Variants in TENM2 observed in about 807,000 individuals in gnomAD.
TENM2 encodes the protein teneurin-2.
Under a neutral mutation model 245.2 loss-of-function variants are expected in TENM2, and 52 were observed. That is an observed-to-expected ratio of 0.21 (90% CI 0.17 to 0.27). The LOEUF is 0.27. Among genes scored for constraint, TENM2 ranks in the 10% least tolerant of loss-of-function variants. The probability of loss-of-function intolerance (pLI) is 1.00; values close to 1 mark genes in which losing one functional copy is unlikely to be tolerated. For missense variants in TENM2, 3,046 were observed against 3,666.8 expected (o/e 0.83, Z 4.37); for synonymous variants, 1,363 against 1,438.9 (o/e 0.95, Z 1.19).
At chr5:168,103,939 TCCC>T (rs1040990784) in intron 9 of TENM2, among the ~76,000 whole-genome samples, 1 of 152,168 alleles carries the variant, frequency 6.6e-6, no homozygotes, top group Non-Finnish European at 1.5e-5. Flanking sequence ...AGTCTCCTGC[TCCC>T]CAGAACAGGG....
intron 2 of TENM2, among the ~76,000 whole-genome samples, chr5:167,733,049 C>A (rs1760545817): frequency 6.7e-6 from 1 of 150,108 alleles, no homozygotes; most frequent in African/African-American, 2.5e-5. Context: ...GCAGAAAGGG[C>A]AAAATAGTTT....
chr5:167,018,082 T>C, the TENM2 span, among the ~76,000 whole-genome samples: 9 of 152,214 alleles, frequency 5.9e-5, 1 homozygote, highest in East Asian at 1.5e-3. Context: ...TAATGTATTC[T>C]TTCCTTAATT....
chr5:166,994,514 A>G, the TENM2 span, among the ~76,000 whole-genome samples: 1 of 152,180 alleles, frequency 6.6e-6, no homozygotes, highest in African/African-American at 2.4e-5. Context: ...TGAGTGCCTG[A>G]CAGCAGCCCC....
chr5:168,127,618 GT>G (rs938334801), intron 12 of TENM2, among the ~76,000 whole-genome samples: 36 of 152,290 alleles, frequency 2.4e-4, no homozygotes, highest in African/African-American at 7.7e-4. Context: ...TTTCGGCACA[GT>G]TGTGGTTTAG....
At chr5:167,910,077 G>A (rs1776429955) in intron 3 of TENM2, among the ~76,000 whole-genome samples, 1 of 152,082 alleles carries the variant, frequency 6.6e-6, no homozygotes, top group Non-Finnish European at 1.5e-5. Context: ...TTTTGGATGT[G>A]TAATTTATCT....
intron 18 of TENM2, 72 bp from the exon 21 acceptor site, chr5:168,204,300 C>T (rs1762177404): frequency 1.3e-6 from 2 of 1,504,932 alleles, no homozygotes; most frequent in Non-Finnish European, 1.8e-6. Context: ...CTTCCCCTCC[C>T]TCCCAGTTGG....
chr5:166,985,321 A>C, the TENM2 span, among the ~76,000 whole-genome samples: 1 of 152,154 alleles, frequency 6.6e-6, no homozygotes, highest in Non-Finnish European at 1.5e-5. Context: ...GGCAGTGTGA[A>C]TTGTGGGAAG....
rs540326142 is a variant in TENM2 at position 168,030,158 on chromosome 5, C to CTTTT, written c.1187-17243_1187-17240dup. Among the ~76,000 whole-genome samples, 85 of 65,280 alleles carry CTTTT rather than the reference C, an allele frequency of 1.3e-3. 4 individuals are homozygous for CTTTT. Among genetic ancestry groups the CTTTT allele is most frequent in the East Asian group, 4.4e-3 (5 of 1,130 alleles). 42.8% of individuals were successfully genotyped at this position (65,280 alleles called of 152,430 possible). On this transcript the variant is annotated intron_variant, in intron 5 of 28. Transcript: ENST00000518659. ...CTTTGGCCCAAGTCTGGTTCTGGCT[C>CTTTT]TTTTTTTTTTTTTTTTTTTTTTTTT...
At chr5:168,098,973 G>A (rs1793589415) in intron 9 of TENM2, among the ~76,000 whole-genome samples, 1 of 151,960 alleles carries the variant, frequency 6.6e-6, no homozygotes, top group Non-Finnish European at 1.5e-5. Context: ...GCAGCGGCAC[G>A]ATCTTGGCTC....
exon 25 of TENM2, chr5:168,228,021 G>A (rs775552762): frequency 1.2e-6 from 2 of 1,613,904 alleles, no homozygotes; most frequent in Non-Finnish European, 8.5e-7. Flanking sequence ...CCCACCATTG[G>A]ACGCTGCAAC....
the TENM2 span, among the ~76,000 whole-genome samples, chr5:167,056,571 GTATCTATATAAATA>G: frequency 1.5e-4 from 15 of 101,748 alleles, no homozygotes; most frequent in African/African-American, 3.4e-4. Flanking sequence ...ATATAAATAT[GTATCTATATAAATA>G]TATCTATATA....
At chr5:167,483,561 T>G (rs74452601) in intron 2 of TENM2, among the ~76,000 whole-genome samples, 1,899 of 152,314 alleles carry the variant, frequency 0.012, 42 homozygotes, top group African/African-American at 0.043. Context: ...TATTAAATTA[T>G]TAAGTGTTAA....
intron 13 of TENM2, among the ~76,000 whole-genome samples, chr5:168,175,063 C>T (rs1759234495): frequency 6.6e-6 from 1 of 152,194 alleles, no homozygotes; most frequent in Admixed American, 6.5e-5. Context: ...CCTAGCTGTA[C>T]ATTCTGACTC....
the TENM2 span, among the ~76,000 whole-genome samples, chr5:167,003,669 G>C: frequency 6.6e-6 from 1 of 152,094 alleles, no homozygotes; most frequent in African/African-American, 2.4e-5. Flanking sequence ...TAAATGATAA[G>C]AGCAATTTGA....
At chr5:167,165,836 A>C in the TENM2 span, among the ~76,000 whole-genome samples, 3 of 152,214 alleles carry the variant, frequency 2.0e-5, no homozygotes, top group African/African-American at 7.2e-5. Flanking sequence ...GAAAGCTATA[A>C]ATACTGATTA....
chr5:167,777,706 T>A (rs544449107), intron 2 of TENM2, among the ~76,000 whole-genome samples: 184 of 152,354 alleles, frequency 1.2e-3, no homozygotes, highest in African/African-American at 4.3e-3. Flanking sequence ...TAGAAGAGCA[T>A]GTGATATGTT....
chr5:167,011,092 T>C, the TENM2 span, among the ~76,000 whole-genome samples: 1 of 152,224 alleles, frequency 6.6e-6, no homozygotes, highest in Non-Finnish European at 1.5e-5. Context: ...GTTTAGGACA[T>C]ATTGACATAT....
intron 1 of TENM2, among the ~76,000 whole-genome samples, chr5:167,288,912 T>C (rs1754472266): frequency 6.6e-6 from 1 of 152,224 alleles, no homozygotes; most frequent in African/African-American, 2.4e-5. Context: ...GAAGGATCTA[T>C]GAAATTCACT....
intron 2 of TENM2, among the ~76,000 whole-genome samples, chr5:167,807,156 A>AG (rs1766260115): frequency 7.3e-6 from 1 of 137,460 alleles, no homozygotes; most frequent in African/African-American, 2.8e-5. Flanking sequence ...AAAAAAAAAA[A>AG]GAAGAAGAAG....
Sources: allele counts gnomAD v4.1 joint callset (sites outside exome capture counted in the v4.1 genomes callset), GRCh38; gene constraint gnomAD v4.1.1; transcripts MANE v1.5; gene names NCBI Gene and HGNC (gene_info 2026-07-23, HGNC 2026-07-21).